CMTM4: variants seen among roughly 807,000 people sequenced by gnomAD.
CMTM4 encodes CKLF-like MARVEL transmembrane domain-containing protein 4.
A neutral mutation model predicts 19.0 loss-of-function variants in CMTM4; 8 were observed. That is an observed-to-expected ratio of 0.42 (90% CI 0.25 to 0.76). The LOEUF (loss-of-function observed/expected upper bound fraction) is 0.76, where lower values mean the gene tolerates loss of function less well. Among genes scored for constraint, CMTM4 ranks in the 30% least tolerant of loss-of-function variants. The probability of loss-of-function intolerance (pLI) is 0.27; values close to 1 mark genes in which losing one functional copy is unlikely to be tolerated. For missense variants in CMTM4, 228 were observed against 290.2 expected (o/e 0.79, Z 1.56); for synonymous variants, 106 against 121.1 (o/e 0.88, Z 0.82).
At chr16:66,662,159 G>T (rs2016510021) in intron 1 of CMTM4, among the ~76,000 whole-genome samples, 1 of 152,182 alleles carries the variant, frequency 6.6e-6, no homozygotes, top group Non-Finnish European at 1.5e-5. Flanking sequence ...AGTTAATGAA[G>T]TAGGTACACT....
At chr16:66,677,318 G>T (rs4559898) in intron 1 of CMTM4, among the ~76,000 whole-genome samples, 1 of 152,244 alleles carries the variant, frequency 6.6e-6, no homozygotes, top group African/African-American at 2.4e-5. Context: ...GGGCAGGGAA[G>T]TAGGGAAGGG....
intron 1 of CMTM4, among the ~76,000 whole-genome samples, chr16:66,639,549 A>C (rs1160729507): frequency 6.6e-6 from 1 of 152,212 alleles, no homozygotes; most frequent in Non-Finnish European, 1.5e-5. Context: ...AGGTGAACAA[A>C]GCATAGCTGG....
chr16:66,670,210 G>A (rs1052953181), intron 1 of CMTM4, among the ~76,000 whole-genome samples: 2 of 151,806 alleles, frequency 1.3e-5, no homozygotes, highest in Non-Finnish European at 2.9e-5. Context: ...ACTCTGGGAT[G>A]CCAAGGCGGG....
rs1567401331 is a variant in CMTM4, at chr16:66,619,126, C to T, written c.*2932G>A. 1 of 985,494 alleles carries T rather than the reference C, an allele frequency of 1.0e-6. No individual in the cohort carries two copies. Among genetic ancestry groups the T allele is most frequent in the Non-Finnish European group, 1.2e-6 (1 of 829,944 alleles). 61.0% of individuals were successfully genotyped at this position (985,494 alleles called of 1,614,324 possible). On this transcript the variant is annotated 3_prime_UTR_variant, in exon 4 of 4. Coordinates refer to ENST00000394106, the MANE Select transcript of CMTM4 (RefSeq NM_181521.3). Reference sequence around the variant, plus strand: ...CTTTATGTGGGGCCAACAAGTATCTCCAGCCTTTCATGACTGTAATCCCTC... The same window carrying T: ...CTTTATGTGGGGCCAACAAGTATCTTCAGCCTTTCATGACTGTAATCCCTC...
the CMTM4 span, among the ~76,000 whole-genome samples, chr16:66,599,139 AT>A: frequency 1.3e-5 from 2 of 151,270 alleles, no homozygotes; most frequent in African/African-American, 4.9e-5. Context: ...AAAAAAAAAA[AT>A]TTAGCCAGCT....
At chr16:66,672,788 GT>G (rs538470627) in intron 1 of CMTM4, among the ~76,000 whole-genome samples, 61 of 115,696 alleles carry the variant, frequency 5.3e-4, no homozygotes, top group African/African-American at 1.6e-3. Flanking sequence ...TTTTTGTTTT[GT>G]TTTTTTTTTG....
chr16:66,606,277 A>C, the CMTM4 span, among the ~76,000 whole-genome samples: 2 of 152,096 alleles, frequency 1.3e-5, no homozygotes, highest in African/African-American at 4.8e-5. Flanking sequence ...GTGGCCCCAG[A>C]AATCGCGGGA....
chr16:66,677,310 G>A (rs1250856029), intron 1 of CMTM4, among the ~76,000 whole-genome samples: 1 of 152,252 alleles, frequency 6.6e-6, no homozygotes, highest in Non-Finnish European at 1.5e-5. Context: ...ACAGGTGGGG[G>A]CAGGGAAGTA....
chr16:66,678,138 T>C (rs367572005), intron 1 of CMTM4, among the ~76,000 whole-genome samples: 3 of 152,154 alleles, frequency 2.0e-5, no homozygotes, highest in African/African-American at 4.8e-5. Context: ...ATCACACCAC[T>C]GTACTCTAGC....
At chr16:66,640,311 A>C (rs1261558484) in intron 1 of CMTM4, among the ~76,000 whole-genome samples, 1 of 152,232 alleles carries the variant, frequency 6.6e-6, no homozygotes, top group African/African-American at 2.4e-5. Context: ...TCTCAAAAAA[A>C]ATAATAAAAA....
At chr16:66,635,437 G>C (rs928003048) in intron 2 of CMTM4, among the ~76,000 whole-genome samples, 1 of 152,170 alleles carries the variant, frequency 6.6e-6, no homozygotes, top group Non-Finnish European at 1.5e-5. Flanking sequence ...TCCCCACCCA[G>C]GGCACACCAG....
chr16:66,649,117 C>A (rs1031748212), intron 1 of CMTM4, among the ~76,000 whole-genome samples: 5 of 152,186 alleles, frequency 3.3e-5, no homozygotes, highest in Non-Finnish European at 7.3e-5. Context: ...GCAGGAGGAT[C>A]GCCTGTGCCC....
chr16:66,691,440 C>T (rs2017132777), intron 1 of CMTM4, among the ~76,000 whole-genome samples: 2 of 152,094 alleles, frequency 1.3e-5, no homozygotes, highest in African/African-American at 4.8e-5. Context: ...GTGACTCATG[C>T]CTGTAATCTC....
At chr16:66,632,534 G>A (rs1408108742) in intron 2 of CMTM4, among the ~76,000 whole-genome samples, 3 of 152,172 alleles carry the variant, frequency 2.0e-5, no homozygotes, top group South Asian at 2.1e-4. Flanking sequence ...TTAGAAAAGT[G>A]AGATTAGGAG....
At chr16:66,632,652 G>A (rs1029548637) in intron 2 of CMTM4, among the ~76,000 whole-genome samples, 2 of 152,198 alleles carry the variant, frequency 1.3e-5, no homozygotes, top group Admixed American at 1.3e-4. Flanking sequence ...AGGCTTTTGG[G>A]ATGGGGGAGG....
chr16:66,614,586 T>A (rs146047413), downstream of CMTM4, among the ~76,000 whole-genome samples: 10 of 152,328 alleles, frequency 6.6e-5, no homozygotes, highest in East Asian at 1.7e-3. This position sits in a 1 kb window ranked among gnomAD's most constrained non-coding sequence, Gnocchi z 4.9. Context: ...ACATTCCACC[T>A]TGTAAGCCCT....
chr16:66,691,103 A>G (rs2017126564), intron 1 of CMTM4, among the ~76,000 whole-genome samples: 1 of 152,172 alleles, frequency 6.6e-6, no homozygotes. Context: ...CAGTGACAGA[A>G]CAAAAATCTG....
At chr16:66,643,024 G>C (rs921746610) in intron 1 of CMTM4, among the ~76,000 whole-genome samples, 1 of 152,184 alleles carries the variant, frequency 6.6e-6, no homozygotes, top group Non-Finnish European at 1.5e-5. Flanking sequence ...GGGTTCAAGT[G>C]ATTGTCCTGC....
At chr16:66,623,297 A>G in intron 3 of CMTM4, 107 bp downstream of exon 3, 1 of 724,874 alleles carries the variant, frequency 1.4e-6, no homozygotes, top group Non-Finnish European at 2.3e-6. Context: ...CATCATCTTT[A>G]GCAAAGAAAA....
Sources: gnomAD v4.1 joint callset for allele counts (sites outside exome capture counted in the v4.1 genomes callset) on GRCh38, gnomAD v4.1.1 for gene constraint, Gnocchi (gnomAD v3.1) non-coding constraint, MANE v1.5 for transcripts, NCBI Gene and HGNC (gene_info 2026-07-23, HGNC 2026-07-21) for gene names.